The following ERICH6B variants were observed in gnomAD, a reference collection of about 807,000 sequenced individuals.
ERICH6B encodes glutamate rich 6B.
A neutral mutation model predicts 80.0 loss-of-function variants in ERICH6B; 69 were observed. The observed-to-expected ratio is 0.86, with a 90% CI of 0.71 to 1.05. The LOEUF (loss-of-function observed/expected upper bound fraction) is 1.05, where lower values mean the gene tolerates loss of function less well. Among genes scored for constraint, ERICH6B ranks in the 50% least tolerant of loss-of-function variants. The pLI is 0.00. For missense variants in ERICH6B, 754 were observed against 796.1 expected (o/e 0.95, Z 0.64); for synonymous variants, 283 against 291.9 (o/e 0.97, Z 0.31).
chr13:45,570,667 A>G (rs1054168377), intron 8 of ERICH6B, among the ~76,000 whole-genome samples: 1 of 152,120 alleles, frequency 6.6e-6, no homozygotes, highest in Admixed American at 6.5e-5. Context: ...TTGCAGCCGC[A>G]GGTTCCATGT....
chr13:45,579,840 T>C (rs1435743007), intron 7 of ERICH6B, 93 bp downstream of exon 7: 2 of 1,264,366 alleles, frequency 1.6e-6, no homozygotes, highest in Admixed American at 4.0e-5. Context: ...TCATGCTGGA[T>C]CAGAGAGGGA....
chr13:45,577,192 G>A (rs1234417021), intron 7 of ERICH6B, among the ~76,000 whole-genome samples: 2 of 151,852 alleles, frequency 1.3e-5, no homozygotes, highest in African/African-American at 4.8e-5. Flanking sequence ...GTGGCTCAGA[G>A]GACCAGTGCT....
At chr13:45,561,769 T>C (rs1452193985) in intron 10 of ERICH6B, among the ~76,000 whole-genome samples, 1 of 152,158 alleles carries the variant, frequency 6.6e-6, no homozygotes, top group Admixed American at 6.5e-5. Context: ...ACTTATCAAG[T>C]GCCTAGTGCG....
At chr13:45,563,544 C>A in intron 10 of ERICH6B, 183 bp downstream of exon 10, 1 of 647,902 alleles carries the variant, frequency 1.5e-6, no homozygotes, top group South Asian at 1.9e-5. Context: ...CACTGGGGCC[C>A]TAGACTGTGC....
chr13:45,577,313 A>C (rs1173203349), intron 7 of ERICH6B, among the ~76,000 whole-genome samples: 1 of 105,530 alleles, frequency 9.5e-6, no homozygotes, highest in Non-Finnish European at 1.8e-5. Context: ...GAGACGGAGT[A>C]TCGCTCTGTC....
chr13:45,589,701 G>C (rs548675267), intron 4 of ERICH6B, among the ~76,000 whole-genome samples: 1 of 152,324 alleles, frequency 6.6e-6, no homozygotes, highest in Non-Finnish European at 1.5e-5. Flanking sequence ...CTTTAAGGTG[G>C]TCACGTCACT....
chr13:45,564,522 G>A (rs1174207001), intron 9 of ERICH6B, among the ~76,000 whole-genome samples: 1 of 152,236 alleles, frequency 6.6e-6, no homozygotes, highest in African/African-American at 2.4e-5. Context: ...ATTCCTTGAA[G>A]AGGGCATATT....
At chr13:45,606,550 T>TA (rs1949867365) in intron 2 of ERICH6B, among the ~76,000 whole-genome samples, 1 of 21,536 alleles carries the variant, frequency 4.6e-5, no homozygotes, top group Non-Finnish European at 1.5e-4. Flanking sequence ...TATATATATT[T>TA]TTTTTTTTTT....
chr13:45,601,181 C>A (rs940184395), intron 2 of ERICH6B, among the ~76,000 whole-genome samples: 1 of 152,154 alleles, frequency 6.6e-6, no homozygotes, highest in Non-Finnish European at 1.5e-5. Context: ...TTTCCATTTG[C>A]CCATGCTGTA....
In ERICH6B at chr13:45,577,276, C is replaced by CTTTTTTTTTTTTTT. The variant is rs34244794; in HGVS notation, c.962-2360_962-2347dup. On this transcript the variant is annotated intron_variant, in intron 7 of 14. Transcript: ENST00000298738. The stretch of plus-strand genomic sequence containing the variant: ...TCTCCTGGACTGATTAAAAACAAAT[C>CTTTTTTTTTTTTTT]TTTTTTTTTTTTTTTTTTTTTTTTT... Among the ~76,000 whole-genome samples, 17 of 86,086 alleles carry CTTTTTTTTTTTTTT rather than the reference C, an allele frequency of 2.0e-4. 3 individuals carry two copies. The highest frequency in any genetic ancestry group is 5.3e-4 in the African/African-American group (15 of 28,188). 56.5% of individuals were successfully genotyped at this position (86,086 alleles called of 152,430 possible).
intron 3 of ERICH6B, among the ~76,000 whole-genome samples, chr13:45,591,989 G>A (rs1876176717): frequency 3.9e-5 from 6 of 152,168 alleles, no homozygotes; most frequent in Admixed American, 3.3e-4. Flanking sequence ...AGCATGAAAG[G>A]AGGAAGGAAG....
chr13:45,599,674 A>G (rs976792669), intron 2 of ERICH6B, among the ~76,000 whole-genome samples: 1 of 152,154 alleles, frequency 6.6e-6, no homozygotes, highest in African/African-American at 2.4e-5. Flanking sequence ...CTGTTTTGGG[A>G]TCTGTTTCCT....
At chr13:45,562,620 G>A (rs543444574) in intron 10 of ERICH6B, among the ~76,000 whole-genome samples, 47 of 152,276 alleles carry the variant, frequency 3.1e-4, no homozygotes, top group African/African-American at 9.4e-4. Context: ...GGAGAGCGCC[G>A]TGCATCCCAT....
chr13:45,564,070 G>A (rs1469682260), intron 9 of ERICH6B, among the ~76,000 whole-genome samples: 1 of 152,194 alleles, frequency 6.6e-6, no homozygotes, highest in African/African-American at 2.4e-5. Flanking sequence ...GGGTAATCTT[G>A]GGGGCAGCTG....
chr13:45,584,667 G>A (rs1185912073), intron 5 of ERICH6B, among the ~76,000 whole-genome samples: 2 of 152,154 alleles, frequency 1.3e-5, no homozygotes, highest in African/African-American at 4.8e-5. Context: ...TTGGTGACAG[G>A]GACACCCAGT....
chr13:45,541,367 A>T lies in ERICH6B; in HGVS notation c.*95T>A. 9.0e-7 allele frequency: 1 copy of T among 1,110,480 alleles called. No homozygotes were observed. Among genetic ancestry groups the T allele is most frequent in the Non-Finnish European group, 1.3e-6 (1 of 776,242 alleles). 68.8% of individuals were successfully genotyped at this position (1,110,480 alleles called of 1,614,324 possible). A position where few individuals can be genotyped will look rare whatever the true frequency, so the allele number is the denominator to read the frequency against. ...GGTCCCAAATTACAAACCAACTCTC[A>T]TAAAAGGTCAACAGGTCTTTGGGTT... On this transcript the variant is annotated 3_prime_UTR_variant, in exon 15 of 15. Transcript: ENST00000298738.
intron 1 of ERICH6B, among the ~76,000 whole-genome samples, chr13:45,613,003 T>A (rs1026043017): frequency 6.6e-6 from 1 of 152,176 alleles, no homozygotes; most frequent in Non-Finnish European, 1.5e-5. Context: ...AAGAGCTCAT[T>A]TGCACATACC....
chr13:45,608,260 C>T (rs1049767634), intron 1 of ERICH6B, among the ~76,000 whole-genome samples: 6 of 152,282 alleles, frequency 3.9e-5, no homozygotes, highest in African/African-American at 9.6e-5. Context: ...GGGGAACACT[C>T]GGCCTCAGCC....
At position 45,597,308 on chromosome 13, in the gene ERICH6B, A is replaced by G. The variant is rs577658467; in HGVS notation, c.-58-245T>C. ...TGAAATTATTGCACAATATGAAGTC[A>G]ATGGGGAGGGCTGGAAAGCAATCAT... On this transcript the variant is annotated intron_variant, in intron 2 of 14. Coordinates refer to ENST00000298738, the MANE Select transcript of ERICH6B (RefSeq NM_182542.3). 1.4e-4 allele frequency among the ~76,000 whole-genome samples: 22 copies of G among 152,328 alleles called. 1 individual carries two copies. The highest frequency in any genetic ancestry group is 5.3e-4 in the African/African-American group (22 of 41,568).
Sources: gnomAD v4.1 joint callset for allele counts (sites outside exome capture counted in the v4.1 genomes callset) on GRCh38, gnomAD v4.1.1 for gene constraint, MANE v1.5 for transcripts, NCBI Gene and HGNC (gene_info 2026-07-23, HGNC 2026-07-21) for gene names.